CCM2: variants seen among roughly 807,000 people sequenced by gnomAD.
CCM2 encodes the protein cerebral cavernous malformations 2 protein.
CCM2 carries 25 observed loss-of-function variants against 44.9 expected under a neutral mutation model. The observed-to-expected ratio is 0.56, with a 90% CI of 0.41 to 0.78. CCM2 has a LOEUF of 0.78. Ranked by LOEUF, CCM2 falls within the 30% of genes least tolerant of loss-of-function variation. CCM2 has a pLI of 0.00. For missense variants in CCM2, 481 were observed against 580.6 expected (o/e 0.83, Z 1.76); for synonymous variants, 219 against 241.1 (o/e 0.91, Z 0.85).
intron 1 of CCM2, among the ~76,000 whole-genome samples, chr7:45,014,006 ATTC>A (rs907448692): frequency 2.0e-5 from 3 of 152,056 alleles, no homozygotes; most frequent in Non-Finnish European, 4.4e-5. Context: ...GTTCTTATTT[ATTC>A]TTATTTTACT....
intron 1 of CCM2, among the ~76,000 whole-genome samples, chr7:45,036,534 C>T (rs1358690769): frequency 1.3e-5 from 2 of 152,084 alleles, no homozygotes; most frequent in Non-Finnish European, 2.9e-5. Flanking sequence ...TCATACAGGG[C>T]AGGGTCCAAC....
chr7:45,002,096 A>G (rs1795660535), intron 1 of CCM2, among the ~76,000 whole-genome samples: 1 of 152,180 alleles, frequency 6.6e-6, no homozygotes. Context: ...CTGCTCAGCT[A>G]CCACATTCAA....
At chr7:45,066,996 G>A (rs543979417) in intron 4 of CCM2, among the ~76,000 whole-genome samples, 1 of 151,868 alleles carries the variant, frequency 6.6e-6, no homozygotes, top group South Asian at 2.1e-4. Context: ...TGCCTCCCAG[G>A]TTCACGCCAT....
At chr7:45,062,605 T>C (rs1209802458) in intron 2 of CCM2, among the ~76,000 whole-genome samples, 1 of 152,156 alleles carries the variant, frequency 6.6e-6, no homozygotes, top group East Asian at 1.9e-4. Context: ...GAAGCTGCGG[T>C]GAGCAGATTG....
upstream of CCM2, chr7:44,999,853 G>T (rs1171104247): frequency 1.2e-5 from 5 of 413,986 alleles, no homozygotes; most frequent in Non-Finnish European, 2.4e-5. Context: ...CAGGGGGCTG[G>T]ACAGGTGCGT....
chr7:45,045,908 G>A (rs550857385), intron 2 of CCM2, among the ~76,000 whole-genome samples: 1 of 152,082 alleles, frequency 6.6e-6, no homozygotes, highest in Non-Finnish European at 1.5e-5. Context: ...AATGAAACAC[G>A]GGTATAAATC....
chr7:45,051,100 G>A (rs73694264), intron 2 of CCM2, among the ~76,000 whole-genome samples: 1,576 of 152,244 alleles, frequency 0.01, 25 homozygotes, highest in African/African-American at 0.037. Context: ...ACTCCACCCT[G>A]CACTTCCTCA....
chr7:45,010,709 T>G (rs751592644), intron 1 of CCM2, among the ~76,000 whole-genome samples: 6 of 152,140 alleles, frequency 3.9e-5, no homozygotes, highest in Non-Finnish European at 8.8e-5. Context: ...GTGATTCTCC[T>G]GCCTCAGCCT....
chr7:45,040,358 A>C (rs796566301), intron 2 of CCM2, among the ~76,000 whole-genome samples: 2 of 152,024 alleles, frequency 1.3e-5, no homozygotes, highest in Non-Finnish European at 2.9e-5. Flanking sequence ...CAGCCTGGGC[A>C]ATAGAGCGAG....
At position 45,000,212 on chromosome 7, in the gene CCM2, G is replaced by T. The variant is rs1290791650; in HGVS notation, c.-122G>T. ...GGCGCGGCCGGGGCGGAGACTTCGG[G>T]CCCGGCTGGCGGGCGGCGCCGGGAG... On this transcript the variant is annotated 5_prime_UTR_variant, in exon 1 of 10. Transcript: ENST00000258781. 1.4e-5 allele frequency: 7 copies of T among 508,158 alleles called. No homozygotes were observed. The highest frequency in any genetic ancestry group is 1.8e-5 in the Non-Finnish European group (7 of 397,014). 31.5% of individuals were successfully genotyped at this position (508,158 alleles called of 1,614,324 possible). A position where few individuals can be genotyped will look rare whatever the true frequency, so the allele number is the denominator to read the frequency against.
chr7:45,038,320 A>G lies in CCM2; in HGVS notation c.98A>G (p.His33Arg). The stretch of plus-strand genomic sequence containing the variant: ...GAAAAGAGTAGAGATAAGAAAGCCC[A>G]TGAGAAGGTGACAGAGAGGCGCCCT... Reference protein sequence around the residue: ...KGEKSRDKKAHEKVTERRPLH... With the variant: ...KGEKSRDKKAREKVTERRPLH... Residue 33 changes from histidine to arginine, a missense_variant, in exon 2 of 10, where the codon CAT becomes CGT. His to Arg is a conservative substitution (Grantham distance 29). Coordinates refer to ENST00000258781, the MANE Select transcript of CCM2 (RefSeq NM_031443.4). 4.3e-6 allele frequency: 7 copies of G among 1,614,220 alleles called. No individual in the cohort carries two copies. The highest frequency in any genetic ancestry group is 5.9e-6 in the Non-Finnish European group (7 of 1,180,038).
At chr7:45,074,429 G>A in intron 9 of CCM2, 21 bp downstream of exon 9, 1 of 1,606,666 alleles carries the variant, frequency 6.2e-7, no homozygotes, top group South Asian at 1.1e-5. Context: ...CCTGGAAAGA[G>A]GGTGGCTTGT....
At chr7:45,067,668 T>C (rs1798849699) in intron 4 of CCM2, 1 of 152,730 alleles carries the variant, frequency 6.5e-6, no homozygotes, top group Admixed American at 6.5e-5. Flanking sequence ...GTGGCTGCCA[T>C]AGGGACAGAG....
At chr7:45,038,039 A>G (rs528619464) in intron 1 of CCM2, among the ~76,000 whole-genome samples, 1 of 152,290 alleles carries the variant, frequency 6.6e-6, no homozygotes, top group Admixed American at 6.5e-5. Flanking sequence ...CAGAGGCTGC[A>G]TGGCAGCCCA....
chr7:45,074,138 C>T, intron 8 of CCM2, 132 bp from the exon 9 acceptor site: 3 of 1,540,258 alleles, frequency 1.9e-6, no homozygotes, highest in Non-Finnish European at 2.6e-6. Flanking sequence ...ATTCTGATGC[C>T]CCAGCCTGTG....
intron 2 of CCM2, among the ~76,000 whole-genome samples, chr7:45,053,096 C>T (rs1798087313): frequency 6.6e-6 from 1 of 152,198 alleles, no homozygotes; most frequent in Admixed American, 6.5e-5. Flanking sequence ...ATCTGACTCC[C>T]ATATGTTCCT....
chr7:45,018,217 C>T (rs550631825), intron 1 of CCM2, among the ~76,000 whole-genome samples: 1 of 152,162 alleles, frequency 6.6e-6, no homozygotes, highest in Non-Finnish European at 1.5e-5. Flanking sequence ...TGCTGGCCCT[C>T]CACTCACCTC....
rs964341276 is a variant in CCM2, at chr7:45,068,618, T to TC, written c.609+42dup. ...GCCCCACTTACTCAGAACTGGCTCC[T>TC]CCCAGACCCTGCTCATGGCCAGCCC... On this transcript the variant is annotated intron_variant, in intron 5 of 9. Coordinates refer to ENST00000258781, the MANE Select transcript of CCM2 (RefSeq NM_031443.4). 3 of 1,611,940 alleles carry TC rather than the reference T, an allele frequency of 1.9e-6. No individual in the cohort carries two copies. The African/African-American group carries it at 4.0e-5, about 22-fold the overall frequency.
intron 6 of CCM2, chr7:45,071,783 C>G (rs2128751485): frequency 2.2e-6 from 1 of 456,722 alleles, no homozygotes; most frequent in East Asian, 6.9e-5. Context: ...GTCACATCTT[C>G]CTTTGACTGT....
Sources: allele counts gnomAD v4.1 joint callset (sites outside exome capture counted in the v4.1 genomes callset), GRCh38; gene constraint gnomAD v4.1.1; transcripts MANE v1.5; gene names NCBI Gene and HGNC (gene_info 2026-07-23, HGNC 2026-07-21).